The following CNOT7 variants were observed in gnomAD, a reference collection of about 807,000 sequenced individuals.
The protein encoded by CNOT7 is BTG1-binding factor 1.
Under a neutral mutation model 37.1 loss-of-function variants are expected in CNOT7, and 4 were observed. The ratio of observed to expected loss-of-function variants is 0.11; its 90% CI spans 0.05 to 0.25. The LOEUF is 0.25. Among genes scored for constraint, CNOT7 ranks in the 10% least tolerant of loss-of-function variants. CNOT7 has a pLI of 1.00. For missense variants in CNOT7, 170 were observed against 336.2 expected (o/e 0.51, Z 3.87); for synonymous variants, 128 against 115.6 (o/e 1.11, Z -0.69).
At chr8:17,239,259 G>A (rs563973608) in intron 3 of CNOT7, among the ~76,000 whole-genome samples, 27 of 152,018 alleles carry the variant, frequency 1.8e-4, no homozygotes, top group Admixed American at 5.2e-4. Flanking sequence ...CATGTTGCCC[G>A]AACTGGTCTT....
At chr8:17,242,855 G>T in intron 3 of CNOT7, 137 bp downstream of exon 3, 3 of 488,204 alleles carry the variant, frequency 6.1e-6, no homozygotes, top group Non-Finnish European at 1.1e-5. Flanking sequence ...CCACGCTTTT[G>T]AAATGTTACG....
At chr8:17,243,592 C>T (rs774929678) in intron 2 of CNOT7, 15 of 458,616 alleles carry the variant, frequency 3.3e-5, no homozygotes, top group Admixed American at 1.9e-4. Flanking sequence ...AATTGCTTCT[C>T]TGACACAAGG....
intron 3 of CNOT7, chr8:17,242,433 T>G (rs959696826): frequency 6.6e-6 from 1 of 152,234 alleles, no homozygotes; most frequent in African/African-American, 2.4e-5. Flanking sequence ...TGAGTTAGAA[T>G]GAAGATTCTG....
intron 6 of CNOT7, chr8:17,231,508 A>C (rs1056545144): frequency 3.4e-5 from 33 of 984,636 alleles, no homozygotes; most frequent in African/African-American, 7.0e-5. Flanking sequence ...TGAATCAACA[A>C]CACTACTTAG....
Position 17,239,146 on chromosome 8 carries a change from G to A in CNOT7, c.312-1773C>T, listed in dbSNP as rs139659432. On this transcript the variant is annotated intron_variant, in intron 3 of 6. Transcript: ENST00000361272. The stretch of plus-strand genomic sequence containing the variant: ...CGGCTCACTGTAGCCTTGACCTCCC[G>A]GACTCAAGCAATCCTCCTTTTGTAG... 1.6e-4 allele frequency among the ~76,000 whole-genome samples: 24 copies of A among 152,250 alleles called. No homozygotes were observed. The East Asian group carries it at 3.3e-3, about 21-fold the overall frequency.
At chr8:17,234,464 G>A in intron 5 of CNOT7, 2 of 430,362 alleles carry the variant, frequency 4.6e-6, no homozygotes, top group South Asian at 4.7e-5. Context: ...CTGGCAAGCA[G>A]TGACAAGAAC....
chr8:17,233,762 T>C (rs1808945208), intron 5 of CNOT7, among the ~76,000 whole-genome samples: 1 of 152,218 alleles, frequency 6.6e-6, no homozygotes, highest in South Asian at 2.1e-4. Context: ...TAATCTTTCT[T>C]GAAAATTTCT....
At chr8:17,243,240 C>T (rs1008726158) in intron 2 of CNOT7, 55 bp from the exon 3 acceptor site, 2 of 1,387,014 alleles carry the variant, frequency 1.4e-6, no homozygotes, top group African/African-American at 1.5e-5. Flanking sequence ...CTACAATCCA[C>T]ACATTTTTAA....
At chr8:17,235,373 A>C (rs1270125287) in intron 4 of CNOT7, among the ~76,000 whole-genome samples, 2 of 152,128 alleles carry the variant, frequency 1.3e-5, no homozygotes, top group African/African-American at 4.8e-5. Flanking sequence ...GTAACAAGGT[A>C]TTTTCACTTC....
At chr8:17,231,935 T>G in intron 6 of CNOT7, 1 of 987,238 alleles carries the variant, frequency 1.0e-6, no homozygotes, top group Non-Finnish European at 1.2e-6. Flanking sequence ...GAGCCTGAGT[T>G]CTTCTCTATA....
At chr8:17,231,163 T>A (rs1277114146) in intron 6 of CNOT7, among the ~76,000 whole-genome samples, 2 of 152,054 alleles carry the variant, frequency 1.3e-5, no homozygotes, top group African/African-American at 4.8e-5. Flanking sequence ...TACTCAAGAA[T>A]GAAGAAAGCC....
At chr8:17,238,922 C>T (rs1029182360) in intron 3 of CNOT7, among the ~76,000 whole-genome samples, 8 of 152,242 alleles carry the variant, frequency 5.3e-5, no homozygotes, top group South Asian at 2.1e-4. Context: ...ATGCCTTAGA[C>T]GCTATTCCAT....
rs1287497553 is a variant in CNOT7, at chr8:17,227,824, C to T, written c.*2896G>A. 6.6e-6 allele frequency: 1 copy of T among 151,822 alleles called. No individual in the cohort carries two copies. The highest frequency in any genetic ancestry group is 1.5e-5 in the Non-Finnish European group (1 of 67,802). 9.4% of individuals were successfully genotyped at this position (151,822 alleles called of 1,614,324 possible). On this transcript the variant is annotated 3_prime_UTR_variant, in exon 7 of 7. Transcript: ENST00000361272. Reference sequence around the variant, plus strand: ...CTTGAAAGTGTAACATTCAAAGGTACTTTTCTTGTTCTGAGATACAGGGCA... The same window carrying T: ...CTTGAAAGTGTAACATTCAAAGGTATTTTTCTTGTTCTGAGATACAGGGCA...
chr8:17,235,444 A>C (rs145284079), intron 4 of CNOT7, among the ~76,000 whole-genome samples: 80 of 152,290 alleles, frequency 5.3e-4, no homozygotes, highest in Middle Eastern at 3.4e-3. Flanking sequence ...TCTTCCTTTC[A>C]GTGTGGCTCC....
intron 2 of CNOT7, 89 bp downstream of exon 2, chr8:17,244,947 A>T: frequency 9.1e-7 from 1 of 1,100,510 alleles, no homozygotes; most frequent in Non-Finnish European, 1.3e-6. Context: ...ATCCCTAAAA[A>T]TATCAACCAA....
At chr8:17,245,420 A>G (rs1810797626) in intron 1 of CNOT7, among the ~76,000 whole-genome samples, 173 bp from the exon 2 acceptor site, 1 of 152,176 alleles carries the variant, frequency 6.6e-6, no homozygotes, top group South Asian at 2.1e-4. Flanking sequence ...TAGGAAAAAA[A>G]GGACTACAGT....
chr8:17,245,522 ATC>A (rs1308537882), intron 1 of CNOT7, among the ~76,000 whole-genome samples: 1 of 152,176 alleles, frequency 6.6e-6, no homozygotes, highest in African/African-American at 2.4e-5. Context: ...CTAATTATTT[ATC>A]TGAGTTCAAC....
At chr8:17,231,853 T>C (rs1297702007) in intron 6 of CNOT7, 1 of 985,740 alleles carries the variant, frequency 1.0e-6, no homozygotes, top group Non-Finnish European at 1.2e-6. Context: ...TGGTTTCTGA[T>C]GCAACTACTA....
chr8:17,232,944 T>C (rs1384881290), intron 5 of CNOT7, among the ~76,000 whole-genome samples: 1 of 152,208 alleles, frequency 6.6e-6, no homozygotes, highest in Admixed American at 6.5e-5. Flanking sequence ...CTTCCCACCA[T>C]CCATTTGTAG....
Sources: gnomAD v4.1 joint callset for allele counts (sites outside exome capture counted in the v4.1 genomes callset) on GRCh38, gnomAD v4.1.1 for gene constraint, MANE v1.5 for transcripts, NCBI Gene and HGNC (gene_info 2026-07-23, HGNC 2026-07-21) for gene names.